The following STAC variants were observed in gnomAD, a reference collection of about 807,000 sequenced individuals.
The protein encoded by STAC is SH3 and cysteine-rich domain-containing protein.
STAC carries 43 observed loss-of-function variants against 48.8 expected under a neutral mutation model. That is an observed-to-expected ratio of 0.88 (90% confidence interval 0.69 to 1.14). The LOEUF (loss-of-function observed/expected upper bound fraction) is 1.14. STAC is among the 50% of genes most tolerant of loss of function. The probability of loss-of-function intolerance (pLI) is 0.00; values close to 1 mark genes in which losing one functional copy is unlikely to be tolerated. For missense variants in STAC, 497 were observed against 504.0 expected (o/e 0.99, Z 0.13); for synonymous variants, 193 against 179.5 (o/e 1.07, Z -0.60).
intron 1 of STAC, among the ~76,000 whole-genome samples, chr3:36,408,694 T>C (rs1247175542): frequency 6.6e-6 from 1 of 152,204 alleles, no homozygotes; most frequent in African/African-American, 2.4e-5. Flanking sequence ...CAGCCATTGT[T>C]TGACCATGAG....
chr3:36,469,769 AT>A (rs550795826), intron 2 of STAC, among the ~76,000 whole-genome samples: 70 of 148,870 alleles, frequency 4.7e-4, no homozygotes, highest in African/African-American at 1.4e-3. Flanking sequence ...TTTTTTTTTT[AT>A]TTTTTTTTAT....
intron 1 of STAC, among the ~76,000 whole-genome samples, chr3:36,411,424 T>C (rs779290104): frequency 1.2e-4 from 18 of 152,342 alleles, no homozygotes; most frequent in Non-Finnish European, 2.1e-4. Flanking sequence ...TCTCCTAGTC[T>C]GCTCCAGTCA....
chr3:36,486,245 C>T lies in STAC; in HGVS notation c.683C>T (p.Thr228Ile). ...AGTGGCTCTGACTCACCTCACAGAA[C>T]CTCTGTAATTATCCTCTTCCTTCCT... is the stretch of plus-strand genomic sequence containing the variant. Reference protein sequence around the residue: ...SGSGSDSPHRTSTSDLVEVPE... With the variant: ...SGSGSDSPHRISTSDLVEVPE... Residue 228 changes from threonine (T) to isoleucine (I), a missense_variant, in exon 5 of 11, where the codon ACC (threonine) becomes ATC (isoleucine). Coordinates refer to ENST00000273183, the MANE Select transcript of STAC (RefSeq NM_003149.3). 1.3e-5 allele frequency: 21 copies of T among 1,613,102 alleles called. No homozygotes were observed. Among genetic ancestry groups the T allele is most frequent in the Non-Finnish European group, 1.8e-5 (21 of 1,179,410 alleles).
At chr3:36,447,266 GA>G (rs1179489305) in intron 2 of STAC, among the ~76,000 whole-genome samples, 1 of 151,352 alleles carries the variant, frequency 6.6e-6, no homozygotes, top group Non-Finnish European at 1.5e-5. Flanking sequence ...CAGCTCCCTG[GA>G]AAAAAAAGGG....
At chr3:36,542,218 C>A (rs1699345759) in intron 10 of STAC, among the ~76,000 whole-genome samples, 1 of 152,194 alleles carries the variant, frequency 6.6e-6, no homozygotes, top group Non-Finnish European at 1.5e-5. Flanking sequence ...TCCCATGCTG[C>A]AGAGCCCTGA....
At chr3:36,485,183 G>C in intron 4 of STAC, 125 bp downstream of exon 4, 2 of 655,660 alleles carry the variant, frequency 3.1e-6, no homozygotes, top group Non-Finnish European at 4.8e-6. Flanking sequence ...TGGCTATTTG[G>C]GGTATGACTG....
chr3:36,420,035 T>G (rs2125643367), intron 1 of STAC, among the ~76,000 whole-genome samples: 1 of 152,364 alleles, frequency 6.6e-6, no homozygotes, highest in East Asian at 1.9e-4. Context: ...CCTGATAAAC[T>G]GAAGACAATC....
intron 10 of STAC, among the ~76,000 whole-genome samples, chr3:36,540,706 A>T (rs1022570534): frequency 4.6e-5 from 7 of 152,112 alleles, no homozygotes; most frequent in Non-Finnish European, 7.4e-5. Context: ...ATCCTAAATG[A>T]GCCTAAAATT....
At chr3:36,522,890 C>T (rs1698839822) in intron 8 of STAC, among the ~76,000 whole-genome samples, 1 of 152,166 alleles carries the variant, frequency 6.6e-6, no homozygotes. Flanking sequence ...TCCAAGACCC[C>T]ACCCTGGAAG....
chr3:36,403,214 T>C (rs998010216), intron 1 of STAC, among the ~76,000 whole-genome samples: 1 of 152,120 alleles, frequency 6.6e-6, no homozygotes, highest in African/African-American at 2.4e-5. Flanking sequence ...TTAAAAACAA[T>C]CAATGCAAGG....
At chr3:36,416,159 A>G (rs1700314652) in intron 1 of STAC, among the ~76,000 whole-genome samples, 1 of 152,102 alleles carries the variant, frequency 6.6e-6, no homozygotes, top group Non-Finnish European at 1.5e-5. Context: ...AGTAACTTGG[A>G]AAGAATTGAC....
intron 1 of STAC, among the ~76,000 whole-genome samples, chr3:36,437,595 G>A (rs1487162413): frequency 4.3e-5 from 6 of 138,064 alleles, no homozygotes; most frequent in Non-Finnish European, 6.1e-5. Context: ...CATGGACACA[G>A]GAAGGGGAAC....
chr3:36,532,015 T>A (rs1416658012), intron 10 of STAC, among the ~76,000 whole-genome samples: 1 of 152,210 alleles, frequency 6.6e-6, no homozygotes, highest in African/African-American at 2.4e-5. Flanking sequence ...AAATATTCAA[T>A]TTTGTCTTTT....
Position 36,484,981 on chromosome 3 carries a change from A to G in STAC, c.494A>G (p.Lys165Arg). The G allele has an allele frequency of 6.3e-7, 1 of 1,597,062 alleles. No homozygotes were observed. The highest frequency in any genetic ancestry group is 1.7e-4 in the Middle Eastern group (1 of 6,018). The change falls in exon 4 of 11, where the codon AAG becomes AGG. Residue 165 changes from lysine to arginine, a missense_variant. By Grantham distance (26) the Lys-to-Arg change is conservative (BLOSUM62 2). Transcript: ENST00000273183. ...CCTTCCTCATTCTCTCTCCAGCCAA[A>G]GGGGTTTCGGCGTTACTACAGCTCC... Reference protein sequence around the residue: ...APQRCMGKLPKGFRRYYSSPL... With the variant: ...APQRCMGKLPRGFRRYYSSPL...
At chr3:36,454,928 T>C (rs1376002331) in intron 2 of STAC, among the ~76,000 whole-genome samples, 1 of 152,214 alleles carries the variant, frequency 6.6e-6, no homozygotes, top group Non-Finnish European at 1.5e-5. Context: ...TGAACCACTG[T>C]GTAGAGATGA....
chr3:36,424,873 T>A (rs1204779932), intron 1 of STAC, among the ~76,000 whole-genome samples: 1 of 152,104 alleles, frequency 6.6e-6, no homozygotes, highest in Non-Finnish European at 1.5e-5. Flanking sequence ...TAGAAATGAA[T>A]AACTTAATGA....
intron 5 of STAC, among the ~76,000 whole-genome samples, chr3:36,487,922 G>C (rs918482645): frequency 7.9e-5 from 12 of 152,108 alleles, no homozygotes; most frequent in African/African-American, 2.4e-4. Context: ...ACTGAAAGAA[G>C]GATAAAAATG....
chr3:36,454,524 G>A (rs1315355181), intron 2 of STAC, among the ~76,000 whole-genome samples: 1 of 152,116 alleles, frequency 6.6e-6, no homozygotes, highest in African/African-American at 2.4e-5. Flanking sequence ...AAGTCAGTGA[G>A]ACCAAGAACC....
intron 2 of STAC, among the ~76,000 whole-genome samples, chr3:36,477,109 T>A (rs1323604563): frequency 1.3e-5 from 2 of 152,198 alleles, no homozygotes; most frequent in Non-Finnish European, 2.9e-5. Flanking sequence ...AATTTTTTCT[T>A]AAATCATAGT....
Sources: gnomAD v4.1 joint callset for allele counts (sites outside exome capture counted in the v4.1 genomes callset) on GRCh38, gnomAD v4.1.1 for gene constraint, MANE v1.5 for transcripts, NCBI Gene and HGNC (gene_info 2026-07-23, HGNC 2026-07-21) for gene names.